DAB2IP: variants seen among roughly 807,000 people sequenced by gnomAD.
DAB2IP encodes the protein DAB2 interacting protein.
Under a neutral mutation model 107.2 loss-of-function variants are expected in DAB2IP, and 28 were observed. The ratio of observed to expected loss-of-function variants is 0.26; its 90% confidence interval spans 0.19 to 0.36. The LOEUF is 0.36. DAB2IP is among the 10% of genes least tolerant of loss of function. The pLI is 1.00. For synonymous variants in DAB2IP, 755 were observed against 706.4 expected (o/e 1.07, Z -1.09); for missense variants, 1,400 against 1,644.7 (o/e 0.85, Z 2.57).
chr9:121,676,679 A>G (rs1446094549), intron 1 of DAB2IP, among the ~76,000 whole-genome samples: 3 of 149,234 alleles, frequency 2.0e-5, no homozygotes, highest in East Asian at 1.9e-4. Context: ...ACACACTGCA[A>G]ATGAGAGCGT....
exon 12 of DAB2IP, chr9:121,773,146 G>A (rs570112043): frequency 2.5e-6 from 4 of 1,610,288 alleles, no homozygotes; most frequent in Admixed American, 1.7e-5. Flanking sequence ...GCCAAGCTGG[G>A]AAGTTTCAGC....
chr9:121,661,981 G>GA (rs932997732), intron 1 of DAB2IP, among the ~76,000 whole-genome samples: 334 of 136,984 alleles, frequency 2.4e-3, no homozygotes, highest in South Asian at 4.9e-3. Flanking sequence ...ACCCTGTCTC[G>GA]AAAAAAAAAA....
intron 3 of DAB2IP, among the ~76,000 whole-genome samples, chr9:121,734,383 CAAA>C (rs552116079): frequency 7.0e-5 from 4 of 56,894 alleles, no homozygotes; most frequent in Admixed American, 1.9e-4. Context: ...GACTCCGTCT[CAAA>C]AAAAAAAAAA....
At chr9:121,703,798 C>T (rs568842880) in intron 3 of DAB2IP, among the ~76,000 whole-genome samples, 1 of 152,330 alleles carries the variant, frequency 6.6e-6, no homozygotes, top group African/African-American at 2.4e-5. Flanking sequence ...TCAGTTTTCT[C>T]ATCCACAGTG....
intron 6 of DAB2IP, among the ~76,000 whole-genome samples, chr9:121,761,294 T>A (rs183884275): frequency 6.6e-6 from 1 of 152,364 alleles, no homozygotes; most frequent in East Asian, 1.9e-4. Context: ...AAAAAGGGGC[T>A]GGACTTGAGG....
At chr9:121,678,863 C>T (rs1293509610) in intron 2 of DAB2IP, 82 bp downstream of exon 2, 1 of 1,293,234 alleles carries the variant, frequency 7.7e-7, no homozygotes, top group Middle Eastern at 2.4e-4. Context: ...GACCCCACGG[C>T]CCCCCTTCCT....
intron 1 of DAB2IP, among the ~76,000 whole-genome samples, chr9:121,576,613 G>C (rs1483915637): frequency 6.6e-6 from 1 of 152,170 alleles, no homozygotes; most frequent in Non-Finnish European, 1.5e-5. Flanking sequence ...GCTGTGAGCT[G>C]CTTGGTGAGC....
chr9:121,594,061 A>G (rs182237102), intron 1 of DAB2IP, among the ~76,000 whole-genome samples: 4 of 152,160 alleles, frequency 2.6e-5, no homozygotes, highest in Admixed American at 2.6e-4. Flanking sequence ...TACCTGTACC[A>G]AGAAAGGAGC....
chr9:121,630,535 T>A (rs550070031), intron 1 of DAB2IP, among the ~76,000 whole-genome samples: 104 of 147,480 alleles, frequency 7.1e-4, no homozygotes, highest in African/African-American at 2.4e-3. Flanking sequence ...ATAAAAAAAT[T>A]TTTTTTTTTT....
At chr9:121,774,972 T>C (rs1835092479) in intron 13 of DAB2IP, among the ~76,000 whole-genome samples, 1 of 152,134 alleles carries the variant, frequency 6.6e-6, no homozygotes, top group African/African-American at 2.4e-5. Flanking sequence ...GCCATTGAGA[T>C]GTTTTCTTCC....
In DAB2IP at chr9:121,756,996, A is replaced by G. The variant is rs1439721959; in HGVS notation, c.363-17A>G. On this transcript the variant is annotated splice_polypyrimidine_tract_variant and intron_variant, in intron 3 of 15. Coordinates refer to ENST00000408936, the Ensembl canonical transcript of DAB2IP. Reference sequence around the variant, plus strand: ...CGGGCTGTGGGGGCCCACCTGACACACCTACTGCCACCCCAGGTCCCATCT... The same window carrying G: ...CGGGCTGTGGGGGCCCACCTGACACGCCTACTGCCACCCCAGGTCCCATCT... The G allele has an allele frequency of 1.2e-6, 2 of 1,613,388 alleles. No homozygotes were observed. Among genetic ancestry groups the G allele is most frequent in the Non-Finnish European group, 1.7e-6 (2 of 1,179,830 alleles).
chr9:121,637,773 A>G (rs926587753), intron 1 of DAB2IP, among the ~76,000 whole-genome samples: 1 of 152,250 alleles, frequency 6.6e-6, no homozygotes, highest in African/African-American at 2.4e-5. Context: ...CGAGCGCTGC[A>G]TGTGAAAGAT....
intron 1 of DAB2IP, among the ~76,000 whole-genome samples, chr9:121,606,877 C>A (rs1383996347): frequency 6.6e-6 from 1 of 151,800 alleles, no homozygotes; most frequent in African/African-American, 2.4e-5. Flanking sequence ...TGGGTTCATG[C>A]AGTTCTCCTG....
At chr9:121,781,529 A>G in exon 15 of DAB2IP, 1 of 1,614,034 alleles carries the variant, frequency 6.2e-7, no homozygotes, top group Non-Finnish European at 8.5e-7. Flanking sequence ...GTGGACTCCA[A>G]ACAGAAGATC....
chr9:121,728,695 A>G (rs1206369348), intron 3 of DAB2IP, among the ~76,000 whole-genome samples: 1 of 152,196 alleles, frequency 6.6e-6, no homozygotes, highest in Non-Finnish European at 1.5e-5. Context: ...CAGGAGCTCT[A>G]GAATGACTGC....
intron 1 of DAB2IP, among the ~76,000 whole-genome samples, chr9:121,604,404 C>A (rs540617972): frequency 6.6e-6 from 1 of 152,366 alleles, no homozygotes; most frequent in Non-Finnish European, 1.5e-5. Context: ...TAACCACAGC[C>A]TCTGCTGGCC....
chr9:121,661,554 G>T (rs757959591), intron 1 of DAB2IP, among the ~76,000 whole-genome samples: 5 of 152,082 alleles, frequency 3.3e-5, no homozygotes, highest in Non-Finnish European at 5.9e-5. Context: ...ACTAGCACAG[G>T]GAGTGCTCCG....
At chr9:121,665,827 G>T (rs1157399304) in intron 1 of DAB2IP, among the ~76,000 whole-genome samples, 1 of 152,224 alleles carries the variant, frequency 6.6e-6, no homozygotes, top group African/African-American at 2.4e-5. Flanking sequence ...AAAGAGGAGA[G>T]ATGGGAGCCC....
chr9:121,741,177 A>G (rs1487224298), intron 3 of DAB2IP, among the ~76,000 whole-genome samples: 2 of 152,122 alleles, frequency 1.3e-5, no homozygotes, highest in African/African-American at 4.8e-5. Flanking sequence ...CTCCAGGAAG[A>G]TAGGATGAGG....
Sources: gnomAD v4.1 joint callset for allele counts (sites outside exome capture counted in the v4.1 genomes callset) on GRCh38, gnomAD v4.1.1 for gene constraint, MANE v1.5 for transcripts, NCBI Gene and HGNC (gene_info 2026-07-23, HGNC 2026-07-21) for gene names.